Variants in DMD observed in about 807,000 individuals in gnomAD.
The protein encoded by DMD is mutant dystrophin.
A neutral mutation model predicts 330.1 loss-of-function variants in DMD; 63 were observed. That is an observed-to-expected ratio of 0.19 (90% confidence interval 0.16 to 0.24). The LOEUF (loss-of-function observed/expected upper bound fraction) is 0.24. Ranked by LOEUF, DMD falls within the 10% of genes least tolerant of loss-of-function variation. DMD has a pLI of 1.00. For missense variants in DMD, 3,344 were observed against 2,684.1 expected, an observed-to-expected ratio of 1.25 and a Z score of -5.43; for synonymous variants, 1,223 against 959.8, an observed-to-expected ratio of 1.27 and a Z score of -5.07.
chrX:33,190,065 CTG>C (rs1161582900), intron 1 of DMD, among the ~76,000 whole-genome samples: 1 of 111,578 alleles, frequency 9.0e-6, no homozygotes, highest in African/African-American at 3.3e-5. Context: ...TAAATAATGA[CTG>C]TTATAATTTA....
rs750406609 is a variant in DMD, at chrX:32,844,882, G to A, written c.187-22C>T. 7.8e-6 allele frequency: 9 copies of A among 1,148,783 alleles called. No homozygotes were observed. The East Asian group carries it at 8.9e-5, about 11-fold the overall frequency. The allele number at this position is 1,148,783 out of a possible 1,213,427, so 94.7% of individuals were successfully genotyped here. A position where few individuals can be genotyped will look rare whatever the true frequency, so the allele number is the denominator to read the frequency against. The stretch of plus-strand genomic sequence containing the variant: ...TTGGCTGAGAACAAAACAAAAGAGT[G>A]TTCACTGACCAGCAGAGAGACCGAC... On this transcript the variant is annotated intron_variant, in intron 3 of 78. Transcript: ENST00000357033.
intron 22 of DMD, among the ~76,000 whole-genome samples, chrX:32,471,206 A>G (rs1201092774): frequency 9.0e-6 from 1 of 111,636 alleles, no homozygotes; most frequent in Non-Finnish European, 1.9e-5. Flanking sequence ...TGAACCCGGG[A>G]GGCGTAGGTT....
At chrX:32,662,540 G>T (rs750849794) in intron 9 of DMD, among the ~76,000 whole-genome samples, 17 of 111,900 alleles carry the variant, frequency 1.5e-4, no homozygotes, top group African/African-American at 5.5e-4. Context: ...GATTGTGATT[G>T]CCTTGTAAAC....
At chrX:32,371,632 G>C (rs774596923) in intron 34 of DMD, among the ~76,000 whole-genome samples, 7 of 111,204 alleles carry the variant, frequency 6.3e-5, no homozygotes, top group Non-Finnish European at 1.3e-4. Flanking sequence ...CAAACATAAT[G>C]ATCTTCAGGG....
intron 2 of DMD, among the ~76,000 whole-genome samples, chrX:32,953,148 AAAG>A (rs1167865998): frequency 1.9e-5 from 2 of 107,385 alleles, no homozygotes; most frequent in East Asian, 3.0e-4. Flanking sequence ...AAAAAAAAAA[AAAG>A]AAGAAGAAAA....
intron 44 of DMD, among the ~76,000 whole-genome samples, chrX:32,190,235 C>T (rs761906245): frequency 9.1e-6 from 1 of 110,427 alleles, no homozygotes; most frequent in Non-Finnish European, 1.9e-5. Context: ...GAAACATTGC[C>T]GTAGATCAAT....
At chrX:32,807,866 G>A (rs1987187541) in intron 7 of DMD, among the ~76,000 whole-genome samples, 1 of 111,657 alleles carries the variant, frequency 9.0e-6, no homozygotes, top group Non-Finnish European at 1.9e-5. Flanking sequence ...TTCTCTTACT[G>A]TTTTATGAAA....
intron 55 of DMD, among the ~76,000 whole-genome samples, chrX:31,621,189 C>T (rs1332535371): frequency 8.9e-6 from 1 of 111,756 alleles, no homozygotes; most frequent in African/African-American, 3.3e-5. Flanking sequence ...AAGTGGTAAG[C>T]AGGCACTGAT....
At chrX:32,402,154 C>A (rs2098089465) in intron 30 of DMD, among the ~76,000 whole-genome samples, 1 of 111,516 alleles carries the variant, frequency 9.0e-6, no homozygotes, top group South Asian at 3.7e-4. Context: ...CATCAGTAGG[C>A]CATCAATAAA....
intron 9 of DMD, among the ~76,000 whole-genome samples, chrX:32,661,934 C>T (rs1045885932): frequency 4.5e-5 from 5 of 111,149 alleles, no homozygotes; most frequent in Admixed American, 2.9e-4. Context: ...TAATCATACC[C>T]GAAACCTGTC....
intron 73 of DMD, among the ~76,000 whole-genome samples, chrX:31,170,158 G>A (rs1404166293): frequency 1.8e-5 from 2 of 111,861 alleles, no homozygotes; most frequent in Non-Finnish European, 3.8e-5. Context: ...GGAGATACAT[G>A]ATTGTTTCAT....
chrX:32,166,246 G>A (rs750071606), intron 44 of DMD, among the ~76,000 whole-genome samples: 2 of 110,426 alleles, frequency 1.8e-5, no homozygotes, highest in Non-Finnish European at 3.8e-5. Context: ...CTTGAGCCCC[G>A]GAGTTCAAGA....
intron 52 of DMD, among the ~76,000 whole-genome samples, chrX:31,699,208 T>C (rs1167974794): frequency 1.8e-5 from 2 of 112,204 alleles, no homozygotes; most frequent in Non-Finnish European, 3.8e-5. Flanking sequence ...CTGGGGCTTC[T>C]TAAATCCTGA....
chrX:32,869,797 C>A (rs369704544), intron 2 of DMD, among the ~76,000 whole-genome samples: 1 of 109,775 alleles, frequency 9.1e-6, no homozygotes, highest in African/African-American at 3.3e-5. Context: ...ATTGATGGAA[C>A]ATGTCTCTAA....
intron 24 of DMD, among the ~76,000 whole-genome samples, chrX:32,463,847 A>T (rs1339288574): frequency 8.9e-6 from 1 of 111,933 alleles, no homozygotes; most frequent in East Asian, 2.8e-4. Flanking sequence ...AAAGGAAATA[A>T]ATTTAATATT....
At chrX:32,814,327 C>A (rs533831190) in intron 6 of DMD, among the ~76,000 whole-genome samples, 1 of 112,040 alleles carries the variant, frequency 8.9e-6, no homozygotes, top group Non-Finnish European at 1.9e-5. Flanking sequence ...GTGGACTTTG[C>A]GTTTTATCAC....
chrX:32,205,971 G>C, intron 44 of DMD: 1 of 421,193 alleles, frequency 2.4e-6, no homozygotes, highest in South Asian at 2.9e-5. Context: ...CGACAAAGAT[G>C]ATCACTTTAA....
At chrX:32,532,893 C>T (rs1026975279) in intron 17 of DMD, among the ~76,000 whole-genome samples, 6 of 111,755 alleles carry the variant, frequency 5.4e-5, no homozygotes, top group African/African-American at 2.0e-4. Flanking sequence ...CCATTAGTGC[C>T]GGAATCCCCA....
chrX:32,270,983 G>A (rs1054272624), intron 43 of DMD, among the ~76,000 whole-genome samples: 1 of 111,161 alleles, frequency 9.0e-6, no homozygotes, highest in Non-Finnish European at 1.9e-5. Flanking sequence ...AGAGATAGGG[G>A]AAAGAAAATG....
Sources: allele counts gnomAD v4.1 joint callset (sites outside exome capture counted in the v4.1 genomes callset), GRCh38; gene constraint gnomAD v4.1.1; transcripts MANE v1.5; gene names NCBI Gene and HGNC (gene_info 2026-07-23, HGNC 2026-07-21).